Variants in DNAH5 observed in about 807,000 individuals in gnomAD.
DNAH5 encodes dynein axonemal heavy chain 5.
A neutral mutation model predicts 518.2 loss-of-function variants in DNAH5; 372 were observed. The observed-to-expected ratio is 0.72, with a 90% CI of 0.66 to 0.78. The LOEUF (loss-of-function observed/expected upper bound fraction) is 0.78. Ranked by LOEUF, DNAH5 falls within the 30% of genes least tolerant of loss-of-function variation. The probability of loss-of-function intolerance (pLI) is 0.00; values close to 1 mark genes in which losing one functional copy is unlikely to be tolerated. For synonymous variants in DNAH5, 2,039 were observed against 2,025.9 expected, an observed-to-expected ratio of 1.01 and a Z score of -0.17; for missense variants, 5,523 against 5,687.0, an observed-to-expected ratio of 0.97 and a Z score of 0.93.
At chr5:13,877,064 T>G (rs1258240541) in intron 21 of DNAH5, among the ~76,000 whole-genome samples, 1 of 152,092 alleles carries the variant, frequency 6.6e-6, no homozygotes, top group East Asian at 1.9e-4. Flanking sequence ...CAACAGCAAG[T>G]TTTGTGGTGT....
intron 1 of DNAH5, among the ~76,000 whole-genome samples, chr5:13,994,520 C>T (rs927816025): frequency 3.9e-5 from 6 of 152,170 alleles, no homozygotes; most frequent in South Asian, 2.1e-4. Context: ...TGACTTATTA[C>T]GCATTTCTGA....
chr5:13,901,300 C>CT lies in DNAH5; in HGVS notation c.2003dup (p.Val669GlyfsTer6). The stretch of plus-strand genomic sequence containing the variant: ...AGAGGACCTCAAACTCCAGGAGGAC[C>CT]TTGGCCATCCTGTTGTAACTGCGAA... On this transcript the variant is annotated frameshift_variant, in exon 14 of 79. Transcript: ENST00000265104. LOFTEE classifies it high-confidence loss of function. The CT allele has an allele frequency of 1.2e-6, 2 of 1,614,138 alleles. No individual in the cohort carries two copies. Among genetic ancestry groups the CT allele is most frequent in the Non-Finnish European group, 1.7e-6 (2 of 1,180,016 alleles).
chr5:13,819,029 C>T (rs1378686362), intron 41 of DNAH5, among the ~76,000 whole-genome samples: 3 of 152,164 alleles, frequency 2.0e-5, no homozygotes, highest in African/African-American at 7.2e-5. Context: ...TGATGCCATA[C>T]AGATTACATA....
intron 60 of DNAH5, among the ~76,000 whole-genome samples, chr5:13,759,337 T>C (rs1000606082): frequency 1.3e-5 from 2 of 152,222 alleles, no homozygotes; most frequent in African/African-American, 4.8e-5. Context: ...CATCCAAATA[T>C]AGGTAGTGGG....
At chr5:13,765,284 T>C (rs1580123241) in intron 59 of DNAH5, among the ~76,000 whole-genome samples, 1 of 152,186 alleles carries the variant, frequency 6.6e-6, no homozygotes, top group African/African-American at 2.4e-5. Flanking sequence ...CACATTTATA[T>C]ACTGGCAAAC....
chr5:13,769,063 C>T lies in DNAH5; in HGVS notation c.9794G>A (p.Arg3265Lys), dbSNP rs1379385185. The change falls in exon 58 of 79, where the codon AGG becomes AAG. Residue 3265 changes from arginine to lysine, a missense_variant. Physicochemically the swap from Arg to Lys is conservative, Grantham distance 26 (BLOSUM62 2). Around this residue, in one of 3 missense-constraint regions of DNAH5, gnomAD observed 5,121 missense variants for 5,223.3 expected, o/e 0.98. Transcript: ENST00000265104. ...VKAEVQKVKD[R>K]AQAIVDSISK... ...GATGCTGTCCACAATGGCCTGGGCC[C>T]TGTCCTTCACCTTCTGTACCTCAGC... 2 of 1,614,104 alleles carry T rather than the reference C, an allele frequency of 1.2e-6. No individual in the cohort carries two copies. The highest frequency in any genetic ancestry group is 3.3e-5 in the Admixed American group (2 of 60,002).
intron 53 of DNAH5, among the ~76,000 whole-genome samples, chr5:13,779,183 T>C (rs946836394): frequency 1.3e-5 from 2 of 152,196 alleles, no homozygotes; most frequent in African/African-American, 4.8e-5. Flanking sequence ...GGAACAAAAA[T>C]TTGAGTCCAA....
At chr5:13,904,323 A>G (rs1775021816) in intron 12 of DNAH5, among the ~76,000 whole-genome samples, 1 of 149,684 alleles carries the variant, frequency 6.7e-6, no homozygotes, top group African/African-American at 2.4e-5. Context: ...GCTGTTTTTT[A>G]TATATACATA....
At chr5:13,773,679 T>A (rs1486160819) in intron 55 of DNAH5, among the ~76,000 whole-genome samples, 2 of 152,182 alleles carry the variant, frequency 1.3e-5, no homozygotes, top group African/African-American at 4.8e-5. Context: ...CTAGTAAGCA[T>A]TCATCAAATA....
intron 1 of DNAH5, among the ~76,000 whole-genome samples, chr5:13,936,867 G>A (rs920370025): frequency 6.6e-6 from 1 of 152,194 alleles, no homozygotes; most frequent in Non-Finnish European, 1.5e-5. Flanking sequence ...AGTGGATGGA[G>A]GATGGGGCTA....
At chr5:13,907,416 G>A (rs6888543) in intron 12 of DNAH5, among the ~76,000 whole-genome samples, 50,325 of 151,902 alleles carry the variant, frequency 0.33, 8,508 homozygotes, top group South Asian at 0.38. Flanking sequence ...GGGCAAGAGT[G>A]AAACTCTGTC....
At position 13,762,904 on chromosome 5, in the gene DNAH5, A is replaced by G; in HGVS notation, c.10102-3T>C. On this transcript the variant is annotated splice_polypyrimidine_tract_variant and splice_region_variant and intron_variant, in intron 59 of 78. Coordinates refer to ENST00000265104, the MANE Select transcript of DNAH5 (RefSeq NM_001369.3). The stretch of plus-strand genomic sequence containing the variant: ...TTGATTGTGTCTTTTGGGAATTGCT[A>G]TGGAAGAAAAGAGTAAAATAAAGTC... The G allele has an allele frequency of 6.2e-7, 1 of 1,613,058 alleles. No individual in the cohort carries two copies. Among genetic ancestry groups the G allele is most frequent in the Non-Finnish European group, 8.5e-7 (1 of 1,179,196 alleles).
chr5:13,739,412 C>T (rs1038192471), intron 65 of DNAH5, among the ~76,000 whole-genome samples: 4 of 152,158 alleles, frequency 2.6e-5, no homozygotes, highest in Non-Finnish European at 5.9e-5. Context: ...AAGAAGGTCC[C>T]TGCTTCTCCT....
At chr5:13,990,261 G>A (rs1482100107) in intron 1 of DNAH5, among the ~76,000 whole-genome samples, 1 of 151,938 alleles carries the variant, frequency 6.6e-6, no homozygotes, top group Non-Finnish European at 1.5e-5. Context: ...TTAAAAAATT[G>A]GGGCCCGGCG....
At chr5:13,856,379 A>T (rs1767640171) in intron 30 of DNAH5, among the ~76,000 whole-genome samples, 1 of 152,146 alleles carries the variant, frequency 6.6e-6, no homozygotes, top group Non-Finnish European at 1.5e-5. Flanking sequence ...CCTCTATACA[A>T]ATAAACTAGA....
chr5:13,736,905 G>A (rs1332952161), intron 66 of DNAH5, among the ~76,000 whole-genome samples: 3 of 152,100 alleles, frequency 2.0e-5, no homozygotes, highest in Admixed American at 6.6e-5. Context: ...CCAACATAGT[G>A]TTACCAAACG....
upstream of DNAH5, among the ~76,000 whole-genome samples, chr5:13,946,991 G>C (rs2152031998): frequency 6.6e-6 from 1 of 152,296 alleles, no homozygotes; most frequent in East Asian, 1.9e-4. Flanking sequence ...AAAAAATAAT[G>C]CTGCCTATTC....
chr5:13,878,954 C>T (rs983630132), intron 21 of DNAH5, among the ~76,000 whole-genome samples: 11 of 152,206 alleles, frequency 7.2e-5, no homozygotes, highest in African/African-American at 2.4e-4. Flanking sequence ...CTAGCTCCTA[C>T]CTTACCAGTC....
chr5:13,853,561 TAACA>T (rs758615588), intron 30 of DNAH5, among the ~76,000 whole-genome samples: 33 of 151,880 alleles, frequency 2.2e-4, no homozygotes, highest in Admixed American at 1.3e-4. Flanking sequence ...AGGTGGGTAA[TAACA>T]AACTCCTCCA....
Sources: gnomAD v4.1 joint callset for allele counts (sites outside exome capture counted in the v4.1 genomes callset) on GRCh38, gnomAD v4.1.1 for gene constraint, gnomAD v4.1.1 regional missense constraint, MANE v1.5 for transcripts, NCBI Gene and HGNC (gene_info 2026-07-23, HGNC 2026-07-21) for gene names.